Variants in IQCH observed in about 807,000 individuals in gnomAD.
IQCH encodes IQ motif containing H.
IQCH carries 98 observed loss-of-function variants against 117.0 expected under a neutral mutation model. That is an observed-to-expected ratio of 0.84 (90% CI 0.71 to 0.99). The LOEUF is 0.99. Among genes scored for constraint, IQCH ranks in the 50% least tolerant of loss-of-function variants. The pLI is 0.00. For synonymous variants in IQCH, 412 were observed against 448.2 expected, an observed-to-expected ratio of 0.92 and a Z score of 1.02; for missense variants, 1,102 against 1,243.8, an observed-to-expected ratio of 0.89 and a Z score of 1.72.
chr15:67,452,921 TTTCTTTTTA>T (rs2082567978), intron 16 of IQCH, among the ~76,000 whole-genome samples: 1 of 152,198 alleles, frequency 6.6e-6, no homozygotes, highest in Non-Finnish European at 1.5e-5. Flanking sequence ...GCTTTGTTCA[TTTCTTTTTA>T]TTCTTTTTTC....
intron 18 of IQCH, among the ~76,000 whole-genome samples, chr15:67,487,086 A>G (rs765519240): frequency 3.3e-5 from 5 of 152,244 alleles, no homozygotes; most frequent in Admixed American, 6.5e-5. Flanking sequence ...TAATCCCAGC[A>G]CTTTGGGAGG....
intron 10 of IQCH, among the ~76,000 whole-genome samples, chr15:67,379,444 G>A (rs1483495951): frequency 6.6e-6 from 1 of 152,150 alleles, no homozygotes; most frequent in Non-Finnish European, 1.5e-5. Context: ...GTATAATTTT[G>A]AAAATAGTTT....
At chr15:67,311,605 C>T (rs1967598754) in intron 4 of IQCH, among the ~76,000 whole-genome samples, 1 of 148,390 alleles carries the variant, frequency 6.7e-6, no homozygotes, top group African/African-American at 2.5e-5. Flanking sequence ...ATAATGTAAG[C>T]ACATACTATA....
chr15:67,279,469 A>G lies in IQCH; in HGVS notation c.344A>G (p.Gln115Arg), dbSNP rs753268392. 6 of 1,610,374 alleles carry G rather than the reference A, an allele frequency of 3.7e-6. No homozygotes were observed. In the African/African-American group the frequency reaches 8.0e-5, roughly 22 times the overall value. The change falls in exon 4 of 21, where the codon CAA (glutamine) becomes CGA (arginine). Residue 115 changes from glutamine to arginine, a missense_variant. Coordinates refer to ENST00000335894, the MANE Select transcript of IQCH (RefSeq NM_001031715.3). The stretch of plus-strand genomic sequence containing the variant: ...TCTGAGGGTACATTTTGGCAACCCC[A>G]AAGACAGCACAGTTCATCTCTGCCT... ...QESEGTFWQPQRQHSSSLPVF... is the reference protein window; with the variant it reads ...QESEGTFWQPRRQHSSSLPVF...
In IQCH at chr15:67,500,777, C is replaced by A; in HGVS notation, c.*31C>A. The stretch of plus-strand genomic sequence containing the variant: ...GAATACAGTACATAACAATTTGGAT[C>A]CCAGTCTGGAATAAAAAGGGCAATT... On this transcript the variant is annotated 3_prime_UTR_variant, in exon 21 of 21. Coordinates refer to ENST00000335894, the MANE Select transcript of IQCH (RefSeq NM_001031715.3). This position sits in a 1 kb window ranked among gnomAD's most constrained non-coding sequence, Gnocchi z 4.4. 6 of 1,219,836 alleles carry A rather than the reference C, an allele frequency of 4.9e-6. No homozygotes were observed. The highest frequency in any genetic ancestry group is 2.4e-5 in the Admixed American group (1 of 41,508). The allele number at this position is 1,219,836 out of a possible 1,614,324, so 75.6% of individuals were successfully genotyped here.
At chr15:67,329,046 C>T (rs1968539645) in intron 4 of IQCH, among the ~76,000 whole-genome samples, 2 of 152,080 alleles carry the variant, frequency 1.3e-5, no homozygotes, top group African/African-American at 4.8e-5. Flanking sequence ...CACTTGTAAT[C>T]CCAGCACTTT....
chr15:67,465,384 T>A lies in IQCH; in HGVS notation c.2676+87T>A. On this transcript the variant is annotated intron_variant, in intron 17 of 20. Coordinates refer to ENST00000335894, the MANE Select transcript of IQCH (RefSeq NM_001031715.3). This position sits in a 1 kb window ranked among gnomAD's most constrained non-coding sequence, Gnocchi z 5.9. ...AGCTCTGTCTAGGAGCCAGGATCTT[T>A]GAGTACAGGAAGAAGAAAGAGCCTA... 5.8e-6 allele frequency: 8 copies of A among 1,384,680 alleles called. No individual in the cohort carries two copies. Among genetic ancestry groups the A allele is most frequent in the Non-Finnish European group, 6.0e-6 (6 of 1,008,000 alleles). The allele number at this position is 1,384,680 out of a possible 1,614,324, so 85.8% of individuals were successfully genotyped here.
chr15:67,404,559 CATAGT>C lies in IQCH; in HGVS notation c.2097+4255_2097+4259del, dbSNP rs1472006636. 2.0e-5 allele frequency: 3 copies of C among 150,542 alleles called. No homozygotes were observed. The highest frequency in any genetic ancestry group is 7.5e-5 in the African/African-American group (3 of 40,040). 9.3% of individuals were successfully genotyped at this position (150,542 alleles called of 1,614,324 possible). The stretch of plus-strand genomic sequence containing the variant: ...AAAGTACATAATCACTGTCCCCAAA[CATAGT>C]TGTTTTCATTTTTGTATATTAATTT... On this transcript the variant is annotated intron_variant, in intron 14 of 20. Transcript: ENST00000335894. This position sits in a 1 kb window ranked among gnomAD's most constrained non-coding sequence, Gnocchi z 4.6.
chr15:67,345,465 G>T (rs1969347159), intron 6 of IQCH, among the ~76,000 whole-genome samples: 1 of 152,124 alleles, frequency 6.6e-6, no homozygotes, highest in African/African-American at 2.4e-5. Context: ...TTAACCAAAT[G>T]ACCAAGGATA....
chr15:67,373,472 A>G (rs374061372), intron 10 of IQCH, 39 bp downstream of exon 10: 3 of 1,278,854 alleles, frequency 2.3e-6, no homozygotes, highest in African/African-American at 2.9e-5. Context: ...AGCAACCTCT[A>G]TTACCCACCA....
At chr15:67,300,166 A>G (rs1966954360) in intron 4 of IQCH, among the ~76,000 whole-genome samples, 1 of 152,018 alleles carries the variant, frequency 6.6e-6, no homozygotes, top group African/African-American at 2.4e-5. Flanking sequence ...TTTTAGGTTA[A>G]TTTATCAATT....
chr15:67,337,101 T>A lies in IQCH; in HGVS notation c.508+6T>A. Reference sequence around the variant, plus strand: ...ACAAGCAGATGCCCACAAAGGTTAGTGATTCAATAGCCATTTTACGTGTTT... The same window carrying A: ...ACAAGCAGATGCCCACAAAGGTTAGAGATTCAATAGCCATTTTACGTGTTT... On this transcript the variant is annotated splice_donor_region_variant and intron_variant, in intron 5 of 20. Transcript: ENST00000335894. 6.2e-7 allele frequency: 1 copy of A among 1,613,036 alleles called. No homozygotes were observed. Among genetic ancestry groups the A allele is most frequent in the Non-Finnish European group, 8.5e-7 (1 of 1,179,414 alleles).
chr15:67,357,499 G>T (rs117045074), intron 7 of IQCH, 78 bp downstream of exon 7: 5 of 926,474 alleles, frequency 5.4e-6, no homozygotes, highest in African/African-American at 4.9e-5. Context: ...TGATTTACAC[G>T]TTATTGAGTT....
At chr15:67,344,724 G>A (rs1015073014) in intron 6 of IQCH, among the ~76,000 whole-genome samples, 3 of 152,170 alleles carry the variant, frequency 2.0e-5, no homozygotes, top group African/African-American at 7.2e-5. Flanking sequence ...CTATGTTGGG[G>A]TACTGATGTT....
At chr15:67,328,576 A>C (rs1434716744) in intron 4 of IQCH, among the ~76,000 whole-genome samples, 1 of 152,234 alleles carries the variant, frequency 6.6e-6, no homozygotes, top group Non-Finnish European at 1.5e-5. Context: ...AAGGGTGACA[A>C]GAATTTAATA....
chr15:67,358,491 G>A (rs975129964), intron 7 of IQCH, among the ~76,000 whole-genome samples: 11 of 151,928 alleles, frequency 7.2e-5, no homozygotes, highest in African/African-American at 2.4e-5. Context: ...CCACCACACC[G>A]GGCCAAATTC....
chr15:67,395,072 G>T lies in IQCH; in HGVS notation c.1633-219G>T, dbSNP rs932392404. On this transcript the variant is annotated intron_variant, in intron 12 of 20. Transcript: ENST00000335894. This position sits in a 1 kb window ranked among gnomAD's most constrained non-coding sequence, Gnocchi z 4.0. ...AATAAATACAGACGTGTAGTAATTA[G>T]TTCTATTCCCAGTGAGCCTATTTCC... Among the ~76,000 whole-genome samples the T allele has an allele frequency of 1.3e-5, 2 of 152,126 alleles. No individual in the cohort carries two copies. Among genetic ancestry groups the T allele is most frequent in the African/African-American group, 4.8e-5 (2 of 41,416 alleles).
In IQCH at chr15:67,385,149, A is replaced by G; in HGVS notation, c.1456+130A>G. On this transcript the variant is annotated intron_variant, in intron 11 of 20. Coordinates refer to ENST00000335894, the MANE Select transcript of IQCH (RefSeq NM_001031715.3). This position sits in a 1 kb window ranked among gnomAD's most constrained non-coding sequence, Gnocchi z 4.6. ...TACAAGGAAAAAGCTCAGATGTTTAATCTACTTACAGGGCAATTAAATGTT... is the reference window on the plus strand; with the variant it reads ...TACAAGGAAAAAGCTCAGATGTTTAGTCTACTTACAGGGCAATTAAATGTT... 1 of 553,046 alleles carries G rather than the reference A, an allele frequency of 1.8e-6. No homozygotes were observed. The highest frequency in any genetic ancestry group is 3.0e-5 in the East Asian group (1 of 32,818). The allele number at this position is 553,046 out of a possible 1,614,324, so 34.3% of individuals were successfully genotyped here.
At chr15:67,492,808 G>A (rs980215500) in intron 19 of IQCH, among the ~76,000 whole-genome samples, 9 of 152,156 alleles carry the variant, frequency 5.9e-5, no homozygotes, top group Admixed American at 5.9e-4. Flanking sequence ...CGGGCATAGA[G>A]GAACCAGGCA....
Sources: allele counts gnomAD v4.1 joint callset (sites outside exome capture counted in the v4.1 genomes callset), GRCh38; gene constraint gnomAD v4.1.1; non-coding constraint Gnocchi (gnomAD v3.1); transcripts MANE v1.5; gene names NCBI Gene and HGNC (gene_info 2026-07-23, HGNC 2026-07-21).